Variants in SLC39A11 observed in about 807,000 individuals in gnomAD.
SLC39A11 encodes the protein zinc transporter ZIP11.
A neutral mutation model predicts 36.1 loss-of-function variants in SLC39A11; 33 were observed. The ratio of observed to expected loss-of-function variants is 0.91; its 90% CI spans 0.69 to 1.22. SLC39A11 has a LOEUF of 1.22. Among genes scored for constraint, SLC39A11 ranks in the 50% most tolerant of loss-of-function variants. The pLI is 0.00. For synonymous variants in SLC39A11, 166 were observed against 170.3 expected, an observed-to-expected ratio of 0.97 and a Z score of 0.20; for missense variants, 432 against 430.3, an observed-to-expected ratio of 1.00 and a Z score of -0.03.
chr17:72,967,399 A>AGAGTGTGTGTGC (rs143987646), intron 4 of SLC39A11, among the ~76,000 whole-genome samples: 1 of 138,200 alleles, frequency 7.2e-6, no homozygotes, highest in African/African-American at 2.8e-5. Context: ...AGAGAGAGAG[A>AGAGTGTGTGTGC]GTGTGTGTGT....
intron 7 of SLC39A11, among the ~76,000 whole-genome samples, chr17:72,696,056 C>T (rs1201893660): frequency 6.6e-6 from 1 of 152,176 alleles, no homozygotes; most frequent in Non-Finnish European, 1.5e-5. Flanking sequence ...GTGAAACAGA[C>T]CCCGCTATGG....
chr17:72,900,108 AAAAAGAAAGAAAG>A (rs1408279899), intron 5 of SLC39A11, among the ~76,000 whole-genome samples: 5 of 120,422 alleles, frequency 4.2e-5, no homozygotes, highest in Admixed American at 7.6e-5. Flanking sequence ...AGAAAGAAAG[AAAAAGAAAGAAAG>A]AAAAGAAAGA....
At chr17:72,893,911 T>C (rs1432797875) in intron 5 of SLC39A11, among the ~76,000 whole-genome samples, 1 of 152,208 alleles carries the variant, frequency 6.6e-6, no homozygotes, top group East Asian at 1.9e-4. Context: ...ATTTCCTCGA[T>C]GTCTGCTATA....
intron 5 of SLC39A11, among the ~76,000 whole-genome samples, chr17:72,886,358 A>T (rs978889071): frequency 3.3e-5 from 5 of 152,202 alleles, no homozygotes; most frequent in African/African-American, 4.8e-5. Flanking sequence ...TCAGACACAG[A>T]ACTTTTGTTC....
intron 5 of SLC39A11, among the ~76,000 whole-genome samples, chr17:72,860,318 T>G (rs2079911357): frequency 6.6e-6 from 1 of 152,106 alleles, no homozygotes; most frequent in Non-Finnish European, 1.5e-5. Context: ...AGTACCAGGG[T>G]AGAAAGCCAC....
At chr17:72,786,880 C>G (rs1048506686) in intron 6 of SLC39A11, among the ~76,000 whole-genome samples, 4 of 152,124 alleles carry the variant, frequency 2.6e-5, no homozygotes, top group Non-Finnish European at 5.9e-5. Flanking sequence ...AGTGCAATGG[C>G]GCAATCTTGG....
At chr17:72,857,463 T>C (rs899847900) in intron 5 of SLC39A11, among the ~76,000 whole-genome samples, 2 of 152,244 alleles carry the variant, frequency 1.3e-5, no homozygotes, top group Non-Finnish European at 2.9e-5. Flanking sequence ...TGTGTCTTTA[T>C]GGTGGAATGC....
chr17:73,043,013 C>T (rs775733810), intron 3 of SLC39A11, among the ~76,000 whole-genome samples: 1 of 151,962 alleles, frequency 6.6e-6, no homozygotes, highest in Non-Finnish European at 1.5e-5. Flanking sequence ...TGGGCGCTGC[C>T]TCCAGGAGCT....
intron 3 of SLC39A11, among the ~76,000 whole-genome samples, chr17:73,046,451 G>A (rs1024866479): frequency 6.6e-6 from 1 of 151,980 alleles, no homozygotes; most frequent in East Asian, 1.9e-4. Flanking sequence ...GATGTCCTAC[G>A]AAAAAGCCCC....
chr17:72,868,691 C>A (rs1312033479), intron 5 of SLC39A11, among the ~76,000 whole-genome samples: 1 of 149,794 alleles, frequency 6.7e-6, no homozygotes, highest in Non-Finnish European at 1.5e-5. Flanking sequence ...ATGCCACAGG[C>A]CCAGCTACTT....
intron 4 of SLC39A11, among the ~76,000 whole-genome samples, chr17:73,010,916 T>C (rs2090473865): frequency 1.3e-5 from 2 of 152,230 alleles, no homozygotes. Context: ...TTCCTAACAA[T>C]GATCTCCTCT....
At chr17:72,802,102 C>T (rs992691718) in intron 6 of SLC39A11, among the ~76,000 whole-genome samples, 2 of 152,144 alleles carry the variant, frequency 1.3e-5, no homozygotes, top group African/African-American at 2.4e-5. Flanking sequence ...GGGAATGAAT[C>T]CCACCATCTC....
At chr17:72,846,523 A>C (rs1229158350) in intron 6 of SLC39A11, among the ~76,000 whole-genome samples, 1 of 152,226 alleles carries the variant, frequency 6.6e-6, no homozygotes, top group African/African-American at 2.4e-5. Context: ...GCTTTATTCC[A>C]AGTTGTCACT....
intron 3 of SLC39A11, among the ~76,000 whole-genome samples, chr17:73,060,262 T>TA (rs200976783): frequency 0.13 from 14,752 of 114,140 alleles, 939 homozygotes; most frequent in East Asian, 0.23. Context: ...GAAAACAAGG[T>TA]AAAAAAAAAA....
chr17:72,728,249 C>A (rs928939266), intron 7 of SLC39A11, among the ~76,000 whole-genome samples: 1 of 152,082 alleles, frequency 6.6e-6, no homozygotes, highest in African/African-American at 2.4e-5. Context: ...GAGTTGGAGG[C>A]CAGCCTGGGC....
At chr17:72,741,056 G>A (rs556210600) in intron 6 of SLC39A11, among the ~76,000 whole-genome samples, 3 of 152,148 alleles carry the variant, frequency 2.0e-5, no homozygotes, top group East Asian at 1.9e-4. Flanking sequence ...TTACAAGCAT[G>A]AGCCACTGCG....
intron 7 of SLC39A11, among the ~76,000 whole-genome samples, chr17:72,683,142 T>C (rs2071578885): frequency 3.9e-5 from 6 of 152,212 alleles, no homozygotes; most frequent in Admixed American, 3.9e-4. Flanking sequence ...TCTAATTTAC[T>C]ACAGGTAACT....
At chr17:72,707,016 G>T (rs2072920328) in intron 7 of SLC39A11, among the ~76,000 whole-genome samples, 1 of 152,220 alleles carries the variant, frequency 6.6e-6, no homozygotes, top group Non-Finnish European at 1.5e-5. Context: ...CTGAAATATG[G>T]TGAATCCAAA....
At chr17:72,841,849 C>T (rs2078827596) in intron 6 of SLC39A11, among the ~76,000 whole-genome samples, 1 of 151,776 alleles carries the variant, frequency 6.6e-6, no homozygotes, top group Non-Finnish European at 1.5e-5. Flanking sequence ...ATCTATTGAG[C>T]CCAGGAGTTC....
Sources: allele counts gnomAD v4.1 joint callset (sites outside exome capture counted in the v4.1 genomes callset), GRCh38; gene constraint gnomAD v4.1.1; transcripts MANE v1.5; gene names NCBI Gene and HGNC (gene_info 2026-07-23, HGNC 2026-07-21).